The following SEC24B variants were observed in gnomAD, a reference collection of about 807,000 sequenced individuals.
The protein encoded by SEC24B is protein transport protein Sec24B.
SEC24B carries 45 observed loss-of-function variants against 142.8 expected under a neutral mutation model. The observed-to-expected ratio is 0.32, with a 90% CI of 0.25 to 0.40. The LOEUF (loss-of-function observed/expected upper bound fraction) is 0.40, where lower values mean the gene tolerates loss of function less well. Ranked by LOEUF, SEC24B falls within the 10% of genes least tolerant of loss-of-function variation. SEC24B has a pLI of 1.00. For synonymous variants in SEC24B, 574 were observed against 568.2 expected, an observed-to-expected ratio of 1.01 and a Z score of -0.15; for missense variants, 1,409 against 1,526.8, an observed-to-expected ratio of 0.92 and a Z score of 1.29.
chr4:109,450,356 T>C (rs1729933544), intron 1 of SEC24B, among the ~76,000 whole-genome samples: 1 of 152,004 alleles, frequency 6.6e-6, no homozygotes, highest in Non-Finnish European at 1.5e-5. Context: ...ACCATTCTCT[T>C]TCTTCTCAAA....
chr4:109,483,058 A>ATATATATATATGTATTTATTTATGTTTT (rs1554001241), intron 4 of SEC24B, among the ~76,000 whole-genome samples: 63 of 137,272 alleles, frequency 4.6e-4, no homozygotes, highest in African/African-American at 1.7e-3. Context: ...TTATGTATTT[A>ATATATATATATGTATTTATTTATGTTTT]TATATATATA....
chr4:109,508,194 T>C (rs1341370826), intron 7 of SEC24B, among the ~76,000 whole-genome samples: 1 of 152,046 alleles, frequency 6.6e-6, no homozygotes, highest in Non-Finnish European at 1.5e-5. Flanking sequence ...CTTCCAAATA[T>C]AAGTTGCTAC....
chr4:109,476,731 A>C (rs1578844359), intron 3 of SEC24B, among the ~76,000 whole-genome samples: 1 of 134,150 alleles, frequency 7.5e-6, no homozygotes, highest in East Asian at 1.9e-4. Flanking sequence ...AATCCCTTTA[A>C]CTTTTTCTAT....
intron 15 of SEC24B, among the ~76,000 whole-genome samples, 188 bp from the exon 16 acceptor site, chr4:109,525,158 T>A (rs1724080469): frequency 1.3e-5 from 2 of 152,268 alleles, no homozygotes; most frequent in East Asian, 3.9e-4. Context: ...CTTACCATTC[T>A]GCTCAACAGT....
Position 109,524,823 on chromosome 4 carries a change from A to G in SEC24B, c.2514A>G (p.Val838=), listed in dbSNP as rs1456360751. Residue 838 remains valine, a synonymous_variant, in exon 15 of 24, where the codon GTA becomes GTG. Transcript: ENST00000265175. ...DPNQRSSTKV[V]QHLGPATDFY... is the part of the protein sequence containing the mutation. ...TATATGATCTGTTGACTTAGGTGGT[A>G]CAACATCTTGGCCCTGCAACTGATT... 1 of 1,611,300 alleles carries G rather than the reference A, an allele frequency of 6.2e-7. No individual in the cohort carries two copies. The highest frequency in any genetic ancestry group is 8.5e-7 in the Non-Finnish European group (1 of 1,178,694).
intron 4 of SEC24B, 46 bp downstream of exon 4, chr4:109,481,827 T>G: frequency 2.0e-6 from 3 of 1,466,710 alleles, no homozygotes; most frequent in Non-Finnish European, 2.8e-6. Flanking sequence ...CCTGCTCAAG[T>G]TTTCTTTTTG....
intron 4 of SEC24B, chr4:109,488,874 A>T (rs79854678): frequency 1.2e-5 from 2 of 160,412 alleles, no homozygotes; most frequent in Non-Finnish European, 2.9e-5. Context: ...GCATCTTTTC[A>T]TGTGTTTATT....
At chr4:109,488,906 G>A (rs1734683218) in intron 4 of SEC24B, 1 of 155,360 alleles carries the variant, frequency 6.4e-6, no homozygotes, top group Admixed American at 6.6e-5. Flanking sequence ...TATCTTCTTT[G>A]GATAAATATC....
At chr4:109,466,154 A>G (rs1304175718) in intron 2 of SEC24B, among the ~76,000 whole-genome samples, 1 of 152,178 alleles carries the variant, frequency 6.6e-6, no homozygotes, top group Non-Finnish European at 1.5e-5. Flanking sequence ...CAAGTGCCCC[A>G]TGTAACTTAG....
chr4:109,434,376 G>C (rs920773097), intron 1 of SEC24B, among the ~76,000 whole-genome samples: 19 of 152,196 alleles, frequency 1.2e-4, no homozygotes, highest in African/African-American at 4.6e-4. Context: ...ACGCGGGCGA[G>C]TTGCCCCGAG....
intron 2 of SEC24B, among the ~76,000 whole-genome samples, chr4:109,465,607 G>A (rs1192471837): frequency 1.3e-5 from 2 of 152,204 alleles, no homozygotes; most frequent in Non-Finnish European, 2.9e-5. Context: ...CCAACTTAAG[G>A]ATTTTGTGAC....
At chr4:109,447,835 A>G (rs988015817) in intron 1 of SEC24B, among the ~76,000 whole-genome samples, 3 of 152,228 alleles carry the variant, frequency 2.0e-5, no homozygotes, top group Non-Finnish European at 4.4e-5. Context: ...ATAGGTTAGA[A>G]GTCCACCTGA....
In SEC24B at chr4:109,463,072, T is replaced by C. The variant is rs765723544; in HGVS notation, c.305T>C (p.Val102Ala). The change falls in exon 2 of 24, where the codon GTG becomes GCG. Residue 102 changes from valine (V) to alanine (A), a missense_variant. Around this residue, in one of 2 missense-constraint regions of SEC24B, gnomAD observed 709 missense variants for 673.5 expected, o/e 1.05. Transcript: ENST00000265175. ...SALYTVPTQN[V>A]TPNTVNQQPG... The stretch of plus-strand genomic sequence containing the variant: ...CTCTATACAGTACCAACACAAAATG[T>C]GACTCCTAACACAGTGAACCAGCAA... 8 of 1,614,074 alleles carry C rather than the reference T, an allele frequency of 5.0e-6. No individual in the cohort carries two copies. In the Admixed American group the frequency reaches 5.0e-5, roughly 10 times the overall value.
chr4:109,516,074 C>G (rs1578957995), intron 10 of SEC24B, among the ~76,000 whole-genome samples: 2 of 152,138 alleles, frequency 1.3e-5, no homozygotes, highest in Non-Finnish European at 2.9e-5. Context: ...ATTTATAATA[C>G]CATCACAAGG....
In SEC24B at chr4:109,532,012, A is replaced by C. The variant is rs376401410; in HGVS notation, c.3390+490A>C. Among the ~76,000 whole-genome samples, 50 of 152,190 alleles carry C rather than the reference A, an allele frequency of 3.3e-4. No homozygotes were observed. The East Asian group carries it at 6.0e-3, about 18-fold the overall frequency. ...GCTGGGATTACAGGCACATGCCACC[A>C]CGCCTGGCTAATTTTTGTACTTTTA... On this transcript the variant is annotated intron_variant, in intron 20 of 23. Transcript: ENST00000265175.
chr4:109,529,038 A>C (rs1376872978), intron 18 of SEC24B, among the ~76,000 whole-genome samples: 1 of 151,942 alleles, frequency 6.6e-6, no homozygotes, highest in African/African-American at 2.4e-5. Context: ...TGGTGCACAC[A>C]TGTGGTCCCA....
At position 109,513,890 on chromosome 4, in the gene SEC24B, A is replaced by G. The variant is rs974810404; in HGVS notation, c.2013+34A>G. 2.3e-6 allele frequency: 3 copies of G among 1,303,814 alleles called. No individual in the cohort carries two copies. The African/African-American group carries it at 4.4e-5, about 19-fold the overall frequency. 80.8% of individuals were successfully genotyped at this position (1,303,814 alleles called of 1,614,324 possible). A position where few individuals can be genotyped will look rare whatever the true frequency, so the allele number is the denominator to read the frequency against. ...TCAGTGTTAAGATTTGTTATGGAAC[A>G]CAATTACATTGGTCATTTGTAATTT... On this transcript the variant is annotated intron_variant, in intron 10 of 23. Coordinates refer to ENST00000265175, the MANE Select transcript of SEC24B (RefSeq NM_006323.5).
Position 109,494,650 on chromosome 4 carries a change from G to T in SEC24B, c.1282G>T (p.Asp428Tyr). The T allele has an allele frequency of 4.3e-6, 7 of 1,614,078 alleles. No homozygotes were observed. Among genetic ancestry groups the T allele is most frequent in the Non-Finnish European group, 5.9e-6 (7 of 1,180,024 alleles). ...TTCATCAGCAAGCAGTCCTGCTCCT[G>T]ATCCCGCCCCTGAACCTGATCCTGC... is the stretch of plus-strand genomic sequence containing the variant. ...LSSSASSPAP[D>Y]PAPEPDPASA... The change falls in exon 6 of 24, where the codon GAT (aspartate) becomes TAT (tyrosine). Residue 428 changes from aspartate to tyrosine, a missense_variant. Physicochemically the swap from Asp to Tyr is radical, Grantham distance 160 (BLOSUM62 -3). Transcript: ENST00000265175.
rs756513407 is a variant in SEC24B at position 109,540,009 on chromosome 4, GA to G, written c.*335del. 164 of 177,218 alleles carry G rather than the reference GA, an allele frequency of 9.3e-4. No individual in the cohort carries two copies. Among genetic ancestry groups the G allele is most frequent in the South Asian group, 2.1e-3 (11 of 5,358 alleles). 11.0% of individuals were successfully genotyped at this position (177,218 alleles called of 1,614,324 possible). ...AATGATATGTCATAATGTAAAATTAGATAAATTCTTTTTTCTTATAATTAAT... is the reference window on the plus strand; with the variant it reads ...AATGATATGTCATAATGTAAAATTAGTAAATTCTTTTTTCTTATAATTAAT... On this transcript the variant is annotated 3_prime_UTR_variant, in exon 24 of 24. Coordinates refer to ENST00000265175, the MANE Select transcript of SEC24B (RefSeq NM_006323.5).
Sources: gnomAD v4.1 joint callset for allele counts (sites outside exome capture counted in the v4.1 genomes callset) on GRCh38, gnomAD v4.1.1 for gene constraint, gnomAD v4.1.1 regional missense constraint, MANE v1.5 for transcripts, NCBI Gene and HGNC (gene_info 2026-07-23, HGNC 2026-07-21) for gene names.